The following ERBB4 variants were observed in gnomAD, a reference collection of about 807,000 sequenced individuals.
ERBB4 encodes the protein receptor tyrosine-protein kinase erbB-4.
Under a neutral mutation model 158.0 loss-of-function variants are expected in ERBB4, and 42 were observed. The observed-to-expected ratio is 0.27, with a 90% CI of 0.21 to 0.34. ERBB4 has a LOEUF of 0.34. ERBB4 is among the 10% of genes least tolerant of loss of function. The probability of loss-of-function intolerance (pLI) is 1.00; values close to 1 mark genes in which losing one functional copy is unlikely to be tolerated. For synonymous variants in ERBB4, 583 were observed against 558.7 expected (o/e 1.04, Z -0.61); for missense variants, 1,333 against 1,624.1 (o/e 0.82, Z 3.08).
Position 211,415,107 on chromosome 2 carries a change from C to CTTTTT in ERBB4, c.3135+5329_3135+5333dup, listed in dbSNP as rs71047175. Reference sequence around the variant, plus strand: ...CAAATCCCATTGAAACTTACATTTTCTTTTTTTTTTTTTTTTTTTTTTTTT... The same window carrying CTTTTT: ...CAAATCCCATTGAAACTTACATTTTCTTTTTTTTTTTTTTTTTTTTTTTTTTTTTT... On this transcript the variant is annotated intron_variant, in intron 25 of 27. Coordinates refer to ENST00000342788, the MANE Select transcript of ERBB4 (RefSeq NM_005235.3). Among the ~76,000 whole-genome samples the CTTTTT allele has an allele frequency of 1.1e-3, 83 of 72,540 alleles. 12 individuals carry two copies. The highest frequency in any genetic ancestry group is 1.7e-3 in the Non-Finnish European group (69 of 40,538). 47.6% of individuals were successfully genotyped at this position (72,540 alleles called of 152,430 possible). A position where few individuals can be genotyped will look rare whatever the true frequency, so the allele number is the denominator to read the frequency against.
intron 20 of ERBB4, among the ~76,000 whole-genome samples, chr2:211,481,699 C>A (rs2065087523): frequency 6.6e-6 from 1 of 151,968 alleles, no homozygotes; most frequent in South Asian, 2.1e-4. Context: ...GTGCCTATAG[C>A]ACAATAGGAC....
intron 1 of ERBB4, among the ~76,000 whole-genome samples, chr2:212,433,220 C>G (rs188275748): frequency 6.6e-6 from 1 of 151,956 alleles, no homozygotes; most frequent in Non-Finnish European, 1.5e-5. Context: ...TTTCTAAAAA[C>G]TTCCACTAAC....
At chr2:212,435,363 A>T (rs566894539) in intron 1 of ERBB4, among the ~76,000 whole-genome samples, 2 of 152,124 alleles carry the variant, frequency 1.3e-5, no homozygotes, top group South Asian at 4.1e-4. Context: ...CTTACAAACC[A>T]TAGACTTGAT....
chr2:211,805,280 GT>G (rs1386517323), intron 3 of ERBB4, among the ~76,000 whole-genome samples: 1 of 137,260 alleles, frequency 7.3e-6, no homozygotes, highest in Non-Finnish European at 1.6e-5. Flanking sequence ...AAGTTGGTCT[GT>G]GATCCTCAAA....
intron 1 of ERBB4, among the ~76,000 whole-genome samples, chr2:212,537,576 T>C (rs541664637): frequency 2.1e-4 from 32 of 151,990 alleles, no homozygotes; most frequent in African/African-American, 7.7e-4. Flanking sequence ...CGCTGCCGCT[T>C]TCGCCTCGGG....
chr2:211,401,806 A>ATAGAT (rs1341555419), intron 25 of ERBB4, among the ~76,000 whole-genome samples: 7 of 152,152 alleles, frequency 4.6e-5, no homozygotes, highest in African/African-American at 1.4e-4. Flanking sequence ...GAAAAATAAA[A>ATAGAT]TAGATTAAAC....
Position 212,461,542 on chromosome 2 carries a change from G to A in ERBB4, c.82+76907C>T, listed in dbSNP as rs1479872094. On this transcript the variant is annotated intron_variant, in intron 1 of 27. Coordinates refer to ENST00000342788, the MANE Select transcript of ERBB4 (RefSeq NM_005235.3). ...CTCTATTTAGGAAGTAAGCTAACCT[G>A]CTTTTGGTTTCACATGCTCATAGGT... Among the ~76,000 whole-genome samples, 2 of 152,136 alleles carry A rather than the reference G, an allele frequency of 1.3e-5. 1 individual carries two copies. The highest frequency in any genetic ancestry group is 4.1e-4 in the South Asian group (2 of 4,824).
At chr2:211,408,088 AAAAT>A (rs75487528) in intron 25 of ERBB4, among the ~76,000 whole-genome samples, 31,297 of 152,028 alleles carry the variant, frequency 0.21, 3,734 homozygotes, top group South Asian at 0.45. Flanking sequence ...ATGGATTTGT[AAAAT>A]AAATAAATAA....
At chr2:211,930,607 G>T (rs1050090254) in intron 3 of ERBB4, among the ~76,000 whole-genome samples, 1 of 152,038 alleles carries the variant, frequency 6.6e-6, no homozygotes, top group Admixed American at 6.6e-5. Context: ...AGACCCAGCC[G>T]TGTTATAGCA....
intron 1 of ERBB4, among the ~76,000 whole-genome samples, chr2:212,203,103 G>T (rs2082635571): frequency 6.6e-6 from 1 of 151,810 alleles, no homozygotes; most frequent in Non-Finnish European, 1.5e-5. Flanking sequence ...ACATTTAGGG[G>T]AATCAACTAG....
At chr2:211,594,613 A>G (rs538292666) in intron 19 of ERBB4, among the ~76,000 whole-genome samples, 1 of 152,310 alleles carries the variant, frequency 6.6e-6, no homozygotes, top group Non-Finnish European at 1.5e-5. Flanking sequence ...GAGAAAGTAA[A>G]CATAAATAGC....
intron 3 of ERBB4, among the ~76,000 whole-genome samples, chr2:211,798,335 A>G (rs2076427719): frequency 6.6e-6 from 1 of 152,110 alleles, no homozygotes; most frequent in Non-Finnish European, 1.5e-5. Flanking sequence ...GCTTTAATTC[A>G]TAGGCTGTTC....
chr2:211,429,738 A>G (rs1028232411), intron 21 of ERBB4, among the ~76,000 whole-genome samples: 1 of 152,256 alleles, frequency 6.6e-6, no homozygotes, highest in Non-Finnish European at 1.5e-5. Flanking sequence ...GAGAAGACAC[A>G]TTGAAAGTAA....
intron 1 of ERBB4, among the ~76,000 whole-genome samples, chr2:212,310,609 A>ATG (rs56209146): frequency 0.017 from 2,423 of 143,414 alleles, 54 homozygotes; most frequent in African/African-American, 0.051. Context: ...ATATATGTAT[A>ATG]TGTGTGTGTG....
chr2:212,206,202 A>G (rs2082739349), intron 1 of ERBB4, among the ~76,000 whole-genome samples: 1 of 152,060 alleles, frequency 6.6e-6, no homozygotes. Flanking sequence ...CCTGTATACC[A>G]CTGTAACCTC....
intron 20 of ERBB4, among the ~76,000 whole-genome samples, chr2:211,440,586 C>T (rs1450189830): frequency 6.6e-6 from 1 of 152,126 alleles, no homozygotes; most frequent in East Asian, 1.9e-4. Context: ...TGGTGGAAAA[C>T]CATACAGCTT....
intron 2 of ERBB4, among the ~76,000 whole-genome samples, chr2:212,096,372 G>A (rs561662825): frequency 2.6e-5 from 4 of 152,068 alleles, no homozygotes; most frequent in Non-Finnish European, 5.9e-5. Context: ...GTATGCCATC[G>A]TAACTACAGG....
intron 19 of ERBB4, among the ~76,000 whole-genome samples, chr2:211,592,746 T>C (rs911393816): frequency 6.6e-6 from 1 of 152,160 alleles, no homozygotes; most frequent in Non-Finnish European, 1.5e-5. Flanking sequence ...GCATGGTGGC[T>C]GACGCCTGTA....
chr2:211,653,573 T>C (rs1167578300), intron 16 of ERBB4, among the ~76,000 whole-genome samples: 4 of 150,994 alleles, frequency 2.6e-5, no homozygotes, highest in Non-Finnish European at 5.9e-5. Flanking sequence ...ATGGCCACAT[T>C]GACATGCTCA....
Sources: gnomAD v4.1 joint callset for allele counts (sites outside exome capture counted in the v4.1 genomes callset) on GRCh38, gnomAD v4.1.1 for gene constraint, MANE v1.5 for transcripts, NCBI Gene and HGNC (gene_info 2026-07-23, HGNC 2026-07-21) for gene names.